The following LMO3 variants were observed in gnomAD, a reference collection of about 807,000 sequenced individuals.
LMO3 encodes the protein LIM domain only protein 3.
LMO3 carries 2 observed loss-of-function variants against 15.8 expected under a neutral mutation model. The observed-to-expected ratio is 0.13, with a 90% CI of 0.05 to 0.40. LMO3 has a LOEUF of 0.40. LMO3 is among the 10% of genes least tolerant of loss of function. LMO3 has a pLI of 0.99. For missense variants in LMO3, 86 were observed against 182.2 expected (o/e 0.47, Z 3.04); for synonymous variants, 62 against 63.8 (o/e 0.97, Z 0.13).
chr12:16,607,123 G>C (rs1486691127), upstream of LMO3: 1 of 152,154 alleles, frequency 6.6e-6, no homozygotes, highest in African/African-American at 2.4e-5. Context: ...CCGCAAGTCC[G>C]CCACACAAGC....
intron 2 of LMO3, among the ~76,000 whole-genome samples, chr12:16,583,771 T>C (rs1255259915): frequency 6.6e-6 from 1 of 152,036 alleles, no homozygotes; most frequent in East Asian, 1.9e-4. Flanking sequence ...GTGGTGAAAA[T>C]TGAGCTAGCA....
rs549901856 is a variant in LMO3, at chr12:16,588,279, A to C, written c.206+12376T>G. On this transcript the variant is annotated intron_variant, in intron 2 of 3. Transcript: ENST00000537304. ...ATATACAAATTGAAGGTGTGCACTC[A>C]AATTTCTTTAAGAATAAAGATATAT... Among the ~76,000 whole-genome samples the C allele has an allele frequency of 6.6e-5, 10 of 152,158 alleles. No homozygotes were observed. In the South Asian group the frequency reaches 2.1e-3, roughly 32 times the overall value.
chr12:16,600,291 CAAAAAAAAAAAAAAAAA>C (rs35993210), intron 2 of LMO3: 1 of 69,324 alleles, frequency 1.4e-5, no homozygotes, highest in African/African-American at 5.7e-5. Flanking sequence ...CCTTAAGCTC[CAAAAAAAAAAAAAAAAA>C]AAAAAAAGAA....
At chr12:16,609,387 T>G (rs918718844), upstream of LMO3, 20 of 152,324 alleles carry the variant, frequency 1.3e-4, no homozygotes, top group Admixed American at 1.0e-3. Flanking sequence ...AGCTAAAGGT[T>G]GGATCCAGCC....
rs1249978048 is a variant in LMO3, at chr12:16,589,610, A to C, written c.206+11045T>G. On this transcript the variant is annotated intron_variant, in intron 2 of 3. Coordinates refer to ENST00000537304, the MANE Select transcript of LMO3 (RefSeq NM_018640.5). This position sits in a 1 kb window ranked among gnomAD's most constrained non-coding sequence, Gnocchi z 4.2. Reference sequence around the variant, plus strand: ...AATAAGCACATCATCTCTATTATAAAGACAGTGGTTTGTTTAATAACTATC... The same window carrying C: ...AATAAGCACATCATCTCTATTATAACGACAGTGGTTTGTTTAATAACTATC... The C allele has an allele frequency of 6.6e-6, 1 of 152,152 alleles. No individual in the cohort carries two copies. Among genetic ancestry groups the C allele is most frequent in the Non-Finnish European group, 1.5e-5 (1 of 68,010 alleles). 9.4% of individuals were successfully genotyped at this position (152,152 alleles called of 1,614,324 possible).
chr12:16,601,153 A>C (rs894310416), intron 1 of LMO3, among the ~76,000 whole-genome samples: 1 of 152,210 alleles, frequency 6.6e-6, no homozygotes, highest in African/African-American at 2.4e-5. Context: ...ACATTAAATA[A>C]TTTTATAGTA....
chr12:16,605,565 C>T, intron 1 of LMO3: 1 of 640,122 alleles, frequency 1.6e-6, no homozygotes, highest in Non-Finnish European at 2.6e-6. Flanking sequence ...AATATCAACT[C>T]TTTAAGAAGT....
intron 2 of LMO3, among the ~76,000 whole-genome samples, chr12:16,568,146 A>G (rs1040497954): frequency 6.6e-6 from 1 of 152,196 alleles, no homozygotes. Flanking sequence ...TTCTCTGGGT[A>G]TTGTATGTTA....
chr12:16,578,818 A>AAAC (rs201327858), intron 2 of LMO3, among the ~76,000 whole-genome samples: 6,551 of 141,058 alleles, frequency 0.046, 185 homozygotes, highest in African/African-American at 0.096. Flanking sequence ...ATTCTGTCTC[A>AAAC]AACAACAACA....
intron 3 of LMO3, among the ~76,000 whole-genome samples, chr12:16,558,520 G>A (rs1942273930): frequency 6.6e-6 from 1 of 152,078 alleles, no homozygotes; most frequent in Non-Finnish European, 1.5e-5. Flanking sequence ...CTGTATGGAT[G>A]TGGGAATGTT....
chr12:16,562,825 G>A (rs965143774), intron 2 of LMO3, among the ~76,000 whole-genome samples: 2 of 152,216 alleles, frequency 1.3e-5, no homozygotes, highest in African/African-American at 4.8e-5. Context: ...AATGGTCCGA[G>A]TCTCTGATGG....
rs1400821489 is a variant in LMO3 at position 16,582,407 on chromosome 12, A to T, written c.206+18248T>A. Reference sequence around the variant, plus strand: ...TTTCAAGTTTTTGTATCTGTATGCAAAAATAGCATTAGTGTTTTATATTTT... The same window carrying T: ...TTTCAAGTTTTTGTATCTGTATGCATAAATAGCATTAGTGTTTTATATTTT... On this transcript the variant is annotated intron_variant, in intron 2 of 3. Coordinates refer to ENST00000537304, the MANE Select transcript of LMO3 (RefSeq NM_018640.5). The surrounding 1 kb of genome is among the most constrained non-coding windows in gnomAD (Gnocchi z 4.1). 6.6e-6 allele frequency among the ~76,000 whole-genome samples: 1 copy of T among 152,228 alleles called. No individual in the cohort carries two copies. The highest frequency in any genetic ancestry group is 1.5e-5 in the Non-Finnish European group (1 of 68,050).
At chr12:16,561,049 A>G (rs1478391816) in intron 2 of LMO3, among the ~76,000 whole-genome samples, 1 of 152,188 alleles carries the variant, frequency 6.6e-6, no homozygotes, top group Admixed American at 6.5e-5. Context: ...CATGCACCTT[A>G]TGGCTCTATA....
At chr12:16,595,977 T>C (rs1392180207) in intron 2 of LMO3, among the ~76,000 whole-genome samples, 1 of 151,458 alleles carries the variant, frequency 6.6e-6, no homozygotes, top group Non-Finnish European at 1.5e-5. Context: ...TGTATCAACA[T>C]TAAAAAAGCA....
At chr12:16,594,831 A>G (rs1333087429) in intron 2 of LMO3, among the ~76,000 whole-genome samples, 1 of 151,654 alleles carries the variant, frequency 6.6e-6, no homozygotes, top group East Asian at 1.9e-4. Context: ...TGCTTAACAA[A>G]TTATGTTTAT....
At chr12:16,554,446 T>C (rs974160217) in intron 3 of LMO3, among the ~76,000 whole-genome samples, 2 of 152,292 alleles carry the variant, frequency 1.3e-5, no homozygotes, top group East Asian at 1.9e-4. Flanking sequence ...GAGATTTCTA[T>C]ACTATACTGT....
At chr12:16,557,749 C>T (rs905123173) in intron 3 of LMO3, among the ~76,000 whole-genome samples, 2 of 151,964 alleles carry the variant, frequency 1.3e-5, no homozygotes, top group African/African-American at 2.4e-5. Flanking sequence ...AAGTTTCAGA[C>T]TCTGCAAGAG....
chr12:16,579,922 C>G (rs920323388), intron 2 of LMO3, among the ~76,000 whole-genome samples: 1 of 152,064 alleles, frequency 6.6e-6, no homozygotes, highest in Non-Finnish European at 1.5e-5. Context: ...AACAGAGAAC[C>G]AGGTATCTGT....
At chr12:16,571,046 T>TA (rs1446661393) in intron 2 of LMO3, among the ~76,000 whole-genome samples, 2 of 152,150 alleles carry the variant, frequency 1.3e-5, no homozygotes, top group East Asian at 1.9e-4. Flanking sequence ...TAATAAATTT[T>TA]AAAAAAATCT....
Sources: allele counts gnomAD v4.1 joint callset (sites outside exome capture counted in the v4.1 genomes callset), GRCh38; gene constraint gnomAD v4.1.1; non-coding constraint Gnocchi (gnomAD v3.1); transcripts MANE v1.5; gene names NCBI Gene and HGNC (gene_info 2026-07-23, HGNC 2026-07-21).